The following SENP2 variants were observed in gnomAD, a reference collection of about 807,000 sequenced individuals.
The protein encoded by SENP2 is SUMO specific peptidase 2.
Under a neutral mutation model 86.3 loss-of-function variants are expected in SENP2, and 16 were observed. That is an observed-to-expected ratio of 0.19 (90% CI 0.13 to 0.28). The LOEUF (loss-of-function observed/expected upper bound fraction) is 0.28, where lower values mean the gene tolerates loss of function less well. Ranked by LOEUF, SENP2 falls within the 10% of genes least tolerant of loss-of-function variation. The probability of loss-of-function intolerance (pLI) is 1.00; values close to 1 mark genes in which losing one functional copy is unlikely to be tolerated. For synonymous variants in SENP2, 222 were observed against 238.7 expected (o/e 0.93, Z 0.64); for missense variants, 552 against 703.0 (o/e 0.79, Z 2.43).
chr3:185,600,352 C>G (rs1305397346), intron 4 of SENP2, among the ~76,000 whole-genome samples: 8 of 152,160 alleles, frequency 5.3e-5, no homozygotes, highest in Admixed American at 5.2e-4. Context: ...TCTGCAACCC[C>G]TGGGAGCCAG....
At position 185,613,367 on chromosome 3, in the gene SENP2, G is replaced by T; in HGVS notation, c.892G>T (p.Asp298Tyr). ...TAGGTGTTCAAAGGGGAAAATTACT[G>T]ATACAGAGACGATGGTCGGAATCAG... ...EKRCSKGKIT[D>Y]TETMVGIRFE... Residue 298 changes from aspartate to tyrosine, a missense_variant, in exon 10 of 17, where the codon GAT becomes TAT. Asp to Tyr is a radical substitution (Grantham distance 160). Around this residue, in one of 2 missense-constraint regions of SENP2, gnomAD observed 383 missense variants for 427.3 expected, o/e 0.90. Transcript: ENST00000296257. 6.3e-7 allele frequency: 1 copy of T among 1,596,296 alleles called. No homozygotes were observed. The highest frequency in any genetic ancestry group is 8.6e-7 in the Non-Finnish European group (1 of 1,165,592).
At chr3:185,626,171 T>G (rs1457228041) in intron 15 of SENP2, 127 bp from the exon 16 acceptor site, 6 of 621,196 alleles carry the variant, frequency 9.7e-6, no homozygotes, top group African/African-American at 9.2e-5. Flanking sequence ...ACTGTGTGTT[T>G]AGGTAATACC....
chr3:185,601,639 C>CTT (rs4012716), intron 5 of SENP2, among the ~76,000 whole-genome samples: 14 of 116,764 alleles, frequency 1.2e-4, no homozygotes, highest in African/African-American at 1.6e-4. Flanking sequence ...GTTGTTCTTG[C>CTT]TTTTTTTTTT....
At chr3:185,610,336 A>G (rs1222271192) in intron 7 of SENP2, among the ~76,000 whole-genome samples, 3 of 151,388 alleles carry the variant, frequency 2.0e-5, no homozygotes, top group Admixed American at 1.3e-4. Context: ...AATTTTTTGT[A>G]TTTTTGGTAG....
intron 3 of SENP2, 70 bp from the exon 4 acceptor site, chr3:185,598,888 T>C (rs1722257895): frequency 8.0e-7 from 1 of 1,249,506 alleles, no homozygotes; most frequent in Non-Finnish European, 1.2e-6. Flanking sequence ...AAAAGTTATC[T>C]TTTCATAATA....
rs773796979 is a variant in SENP2 at position 185,606,373 on chromosome 3, C to G, written c.493C>G (p.Arg165Gly). 1 of 1,612,412 alleles carries G rather than the reference C, an allele frequency of 6.2e-7. No homozygotes were observed. The highest frequency in any genetic ancestry group is 2.2e-5 in the East Asian group (1 of 44,852). ...SEGCNRRPGG[R>G]RHSKGNPESS... is the part of the protein sequence containing the mutation. ...AGGCTGTAATAGAAGACCAGGTGGCCGTCGCCATAGCAAAGGTAATCCAGA... is the reference window on the plus strand; with the variant it reads ...AGGCTGTAATAGAAGACCAGGTGGCGGTCGCCATAGCAAAGGTAATCCAGA... Residue 165 changes from arginine (R) to glycine (G), a missense_variant, in exon 6 of 17, where the codon CGT (arginine) becomes GGT (glycine). Transcript: ENST00000296257.
intron 2 of SENP2, 128 bp from the exon 3 acceptor site, chr3:185,598,284 G>C (rs567353552): frequency 1.0e-6 from 1 of 986,766 alleles, no homozygotes; most frequent in Non-Finnish European, 1.5e-6. Flanking sequence ...GGGATTACAG[G>C]TGTGAGCCAC....
rs34897313 is a variant in SENP2, at chr3:185,616,775, C to CAAAA, written c.1111-693_1111-690dup. 1.2e-3 allele frequency among the ~76,000 whole-genome samples: 143 copies of CAAAA among 122,044 alleles called. 1 individual carries two copies. The highest frequency in any genetic ancestry group is 9.8e-3 in the South Asian group (35 of 3,588). 80.1% of individuals were successfully genotyped at this position (122,044 alleles called of 152,430 possible). A position where few individuals can be genotyped will look rare whatever the true frequency, so the allele number is the denominator to read the frequency against. On this transcript the variant is annotated intron_variant, in intron 11 of 16. Transcript: ENST00000296257. ...GGGAGACTGAGCGAGACTCCGTCTC[C>CAAAA]AAAAAAAAAAAAAAACGTTTAAAGT...
rs771194582 is a variant in SENP2, at chr3:185,613,413, G to A, written c.933+5G>A. On this transcript the variant is annotated splice_donor_5th_base_variant and intron_variant, in intron 10 of 16. Coordinates refer to ENST00000296257, the MANE Select transcript of SENP2 (RefSeq NM_021627.3). ...ATCAGATTTGAAAATGAAAGTGTAAGTAAAAATCCTAGTTACATTTGATAC... is the reference window on the plus strand; with the variant it reads ...ATCAGATTTGAAAATGAAAGTGTAAATAAAAATCCTAGTTACATTTGATAC... 1.9e-6 allele frequency: 3 copies of A among 1,563,590 alleles called. No homozygotes were observed. The highest frequency in any genetic ancestry group is 2.3e-5 in the South Asian group (2 of 88,086).
At chr3:185,589,120 G>C (rs1348096134) in intron 1 of SENP2, among the ~76,000 whole-genome samples, 1 of 151,804 alleles carries the variant, frequency 6.6e-6, no homozygotes, top group Non-Finnish European at 1.5e-5. Context: ...TAAGGGTTCA[G>C]AGAGATGATG....
Position 185,629,732 on chromosome 3 carries a change from C to G in SENP2, c.1708-50C>G, listed in dbSNP as rs1309875489. ...ATGATTACACCTGAAGGTTGTGCTG[C>G]CATGCACATTAATATGTAATGCGGG... is the stretch of plus-strand genomic sequence containing the variant. On this transcript the variant is annotated intron_variant, in intron 16 of 16. Transcript: ENST00000296257. 6 of 1,566,646 alleles carry G rather than the reference C, an allele frequency of 3.8e-6. No homozygotes were observed. In the South Asian group the frequency reaches 4.4e-5, roughly 12 times the overall value.
chr3:185,626,383 C>T lies in SENP2; in HGVS notation c.1697C>T (p.Thr566Ile). Reference protein sequence around the residue: ...ADYISRDKPITFTQHQMPLFR... With the variant: ...ADYISRDKPIIFTQHQMPLFR... Reference sequence around the variant, plus strand: ...TATATTTCTAGGGACAAACCTATCACATTTACTCAGGTGAGTGAAGACCCT... The same window carrying T: ...TATATTTCTAGGGACAAACCTATCATATTTACTCAGGTGAGTGAAGACCCT... The change falls in exon 16 of 17, where the codon ACA (threonine) becomes ATA (isoleucine). Residue 566 changes from threonine to isoleucine, a missense_variant. By Grantham distance (89) the Thr-to-Ile change is moderately conservative. This residue lies in a region of SENP2 where 169 missense variants were observed against 275.7 expected (regional missense o/e 0.61). Transcript: ENST00000296257. The T allele has an allele frequency of 4.4e-6, 7 of 1,604,538 alleles. No homozygotes were observed. Among genetic ancestry groups the T allele is most frequent in the Non-Finnish European group, 6.0e-6 (7 of 1,171,700 alleles).
At chr3:185,590,230 CA>C in intron 2 of SENP2, 61 bp downstream of exon 2, 1 of 824,914 alleles carries the variant, frequency 1.2e-6, no homozygotes, top group South Asian at 1.9e-5. Context: ...ATGCATGGAA[CA>C]AAATTCAAAA....
At chr3:185,606,301 C>CTT in intron 5 of SENP2, 29 bp from the exon 6 acceptor site, 1 of 1,568,538 alleles carries the variant, frequency 6.4e-7, no homozygotes, top group Non-Finnish European at 8.6e-7. Flanking sequence ...CTTGGTGATA[C>CTT]TTTTTTTCTT....
At chr3:185,610,902 G>A (rs1375868269) in intron 7 of SENP2, among the ~76,000 whole-genome samples, 2 of 152,170 alleles carry the variant, frequency 1.3e-5, no homozygotes, top group East Asian at 3.9e-4. Flanking sequence ...AGCTTGCAGT[G>A]AGCAGAGATT....
intron 11 of SENP2, 102 bp downstream of exon 11, chr3:185,614,842 G>T: frequency 9.3e-7 from 1 of 1,079,790 alleles, no homozygotes; most frequent in Non-Finnish European, 1.3e-6. Context: ...CAGGCTAGGG[G>T]TGAATATATG....
In SENP2 at chr3:185,621,737, T is replaced by G; in HGVS notation, c.1447-89T>G. On this transcript the variant is annotated intron_variant, in intron 13 of 16. Coordinates refer to ENST00000296257, the MANE Select transcript of SENP2 (RefSeq NM_021627.3). ...AAAAAATTTATATTGGTACATGTAT[T>G]TTTTAAAAGATGCTTTTATTTTTGG... is the stretch of plus-strand genomic sequence containing the variant. 3 of 772,342 alleles carry G rather than the reference T, an allele frequency of 3.9e-6. No homozygotes were observed. The East Asian group carries it at 8.1e-5, about 21-fold the overall frequency. The allele number at this position is 772,342 out of a possible 1,614,324, so 47.8% of individuals were successfully genotyped here.
At chr3:185,614,025 A>G (rs1476776674) in intron 10 of SENP2, among the ~76,000 whole-genome samples, 1 of 152,098 alleles carries the variant, frequency 6.6e-6, no homozygotes. Flanking sequence ...CTCTGGAAAG[A>G]GATGATATGT....
At chr3:185,623,036 T>C (rs1711962137) in intron 14 of SENP2, among the ~76,000 whole-genome samples, 1 of 152,014 alleles carries the variant, frequency 6.6e-6, no homozygotes, top group South Asian at 2.1e-4. Context: ...ATGCTGGTCT[T>C]GAACTCCCAA....
Sources: allele counts gnomAD v4.1 joint callset (sites outside exome capture counted in the v4.1 genomes callset), GRCh38; gene constraint gnomAD v4.1.1; regional missense constraint gnomAD v4.1.1; transcripts MANE v1.5; gene names NCBI Gene and HGNC (gene_info 2026-07-23, HGNC 2026-07-21).